Variants in SNX13 observed in about 807,000 individuals in gnomAD.
SNX13 encodes the protein sorting nexin 13, also known as sorting nexin-13.
In SNX13, 45 loss-of-function variants were observed where a neutral mutation model predicts 133.6. The ratio of observed to expected loss-of-function variants is 0.34; its 90% CI spans 0.27 to 0.43. SNX13 has a LOEUF of 0.43. Among genes scored for constraint, SNX13 ranks in the 20% least tolerant of loss-of-function variants. SNX13 has a pLI of 1.00. For synonymous variants in SNX13, 414 were observed against 373.9 expected (o/e 1.11, Z -1.24); for missense variants, 1,032 against 1,145.1 (o/e 0.90, Z 1.43).
intron 3 of SNX13, among the ~76,000 whole-genome samples, chr7:17,892,042 G>A (rs181168420): frequency 3.9e-5 from 6 of 151,934 alleles, no homozygotes; most frequent in East Asian, 1.9e-4. Context: ...ATTTTTAAAC[G>A]GATTTTATGT....
rs1019460441 is a variant in SNX13, at chr7:17,792,073, G to A, written c.*1972C>T. On this transcript the variant is annotated 3_prime_UTR_variant, in exon 26 of 26. Transcript: ENST00000428135. ...AGTGCTCCTCACATTATATAGAAAT[G>A]CTTTTTCACATGTACACGTTAGGGT... 6.6e-6 allele frequency: 1 copy of A among 151,960 alleles called. No individual in the cohort carries two copies. The highest frequency in any genetic ancestry group is 2.4e-5 in the African/African-American group (1 of 41,364). 9.4% of individuals were successfully genotyped at this position (151,960 alleles called of 1,614,324 possible).
At chr7:17,868,620 A>ATT (rs10645391) in intron 8 of SNX13, 130 bp from the exon 9 acceptor site, 15,046 of 633,080 alleles carry the variant, frequency 0.024, 254 homozygotes, top group Non-Finnish European at 0.028. Flanking sequence ...CTTGATAAGC[A>ATT]ACACAGTCTT....
chr7:17,940,206 C>T (rs1416357875), intron 1 of SNX13, 78 bp downstream of exon 1: 57 of 1,540,194 alleles, frequency 3.7e-5, no homozygotes, highest in Non-Finnish European at 4.9e-5. Context: ...ACCTTCCGTA[C>T]AGATGATGTT....
At chr7:17,841,694 T>TATCTACTAGATGGC (rs1200004327) in intron 12 of SNX13, among the ~76,000 whole-genome samples, 5 of 151,568 alleles carry the variant, frequency 3.3e-5, no homozygotes, top group African/African-American at 1.2e-4. Context: ...CCTGATGGAA[T>TATCTACTAGATGGC]ATCTACTAGA....
chr7:17,831,989 G>A (rs1275792540), intron 15 of SNX13: 3 of 983,528 alleles, frequency 3.1e-6, no homozygotes, highest in Non-Finnish European at 3.6e-6. Flanking sequence ...TCAAAAAAGG[G>A]ATAGGTAATT....
At chr7:17,867,387 G>A (rs548706365) in intron 9 of SNX13, among the ~76,000 whole-genome samples, 255 of 152,184 alleles carry the variant, frequency 1.7e-3, no homozygotes, top group African/African-American at 5.8e-3. Context: ...CAGGCAGATC[G>A]CTTGAGCTCA....
chr7:17,850,385 C>A lies in SNX13; in HGVS notation c.1027G>T (p.Val343Leu). The change falls in exon 11 of 26, where the codon GTA becomes TTA. Residue 343 changes from valine to leucine, a missense_variant. Physicochemically the swap from Val to Leu is conservative, Grantham distance 32. Coordinates refer to ENST00000428135, the MANE Select transcript of SNX13 (RefSeq NM_015132.5). ...AATCGCTGTATTCTTGAGTCACATA[C>A]CTTCTTTACGAATAGTAAGCTATTT... is the stretch of plus-strand genomic sequence containing the variant. ...QINSLLFVKK[V>L]CDSRIQRLQS... is the part of the protein sequence containing the mutation. The A allele has an allele frequency of 1.3e-6, 2 of 1,596,234 alleles. No homozygotes were observed. Among genetic ancestry groups the A allele is most frequent in the South Asian group, 1.1e-5 (1 of 87,178 alleles).
chr7:17,875,339 A>C, intron 7 of SNX13, 141 bp downstream of exon 7: 1 of 625,056 alleles, frequency 1.6e-6, no homozygotes, highest in Non-Finnish European at 2.7e-6. Context: ...TAAGAGTTAC[A>C]AAATAAAATA....
At chr7:17,925,365 T>C (rs796842468) in intron 1 of SNX13, among the ~76,000 whole-genome samples, 1 of 152,172 alleles carries the variant, frequency 6.6e-6, no homozygotes, top group Non-Finnish European at 1.5e-5. Flanking sequence ...TCTGTGAATA[T>C]AGCAAAAGCC....
chr7:17,807,837 G>GCCCTCCA (rs1182839767), intron 20 of SNX13, among the ~76,000 whole-genome samples: 1 of 68,034 alleles, frequency 1.5e-5, no homozygotes, highest in Non-Finnish European at 2.5e-5. Flanking sequence ...GTCTGGAGTG[G>GCCCTCCA]GCCTCCAGCA....
At chr7:17,891,844 A>T (rs1796663845) in intron 3 of SNX13, among the ~76,000 whole-genome samples, 1 of 152,122 alleles carries the variant, frequency 6.6e-6, no homozygotes, top group Non-Finnish European at 1.5e-5. Context: ...TCAAAAATTT[A>T]ATCAGCAAAA....
intron 12 of SNX13, among the ~76,000 whole-genome samples, chr7:17,844,115 A>T (rs997691293): frequency 6.6e-6 from 1 of 151,976 alleles, no homozygotes; most frequent in African/African-American, 2.4e-5. Flanking sequence ...AAACAATAGT[A>T]AAAGTCAATG....
chr7:17,939,274 A>G (rs890777165), intron 1 of SNX13, among the ~76,000 whole-genome samples: 24 of 152,144 alleles, frequency 1.6e-4, no homozygotes, highest in African/African-American at 5.8e-4. Context: ...ACTGTTTCCT[A>G]TTCAGTTCAG....
intron 12 of SNX13, among the ~76,000 whole-genome samples, chr7:17,842,790 T>C (rs1467980671): frequency 1.3e-5 from 2 of 152,032 alleles, no homozygotes; most frequent in Admixed American, 1.3e-4. Flanking sequence ...TGTGACGTCA[T>C]CAAAAGAGGG....
At chr7:17,918,960 G>GGCCA (rs1334212367) in intron 1 of SNX13, among the ~76,000 whole-genome samples, 1 of 152,184 alleles carries the variant, frequency 6.6e-6, no homozygotes, top group Non-Finnish European at 1.5e-5. Context: ...TGCAGGTGGA[G>GGCCA]GCCATTGTCC....
intron 1 of SNX13, among the ~76,000 whole-genome samples, chr7:17,914,029 G>A (rs1799288086): frequency 6.6e-6 from 1 of 151,942 alleles, no homozygotes; most frequent in Non-Finnish European, 1.5e-5. Flanking sequence ...TTCAAAAGAT[G>A]ACATAGCTGT....
Position 17,834,854 on chromosome 7 carries a change from T to C in SNX13, c.1371A>G (p.Arg457=). 6.2e-7 allele frequency: 1 copy of C among 1,601,590 alleles called. No individual in the cohort carries two copies. Among genetic ancestry groups the C allele is most frequent in the South Asian group, 1.1e-5 (1 of 90,252 alleles). ...CTACTAAATAGTCATCAACAGTAAC[T>C]CTTGGAGATGCCTAACAGAGAAAAA... ...EQYLSEKASP[R]VTVDDYLVAK... is the part of the protein sequence containing the mutation. The change falls in exon 14 of 26, where the codon AGA becomes AGG. Residue 457 remains arginine (R), a synonymous_variant. Coordinates refer to ENST00000428135, the MANE Select transcript of SNX13 (RefSeq NM_015132.5).
intron 1 of SNX13, among the ~76,000 whole-genome samples, chr7:17,918,761 C>G (rs990894340): frequency 1.3e-5 from 2 of 152,056 alleles, no homozygotes; most frequent in Non-Finnish European, 2.9e-5. Flanking sequence ...GGTATTTACC[C>G]AAAAGAAAAT....
intron 9 of SNX13, among the ~76,000 whole-genome samples, chr7:17,853,415 G>C (rs1791483084): frequency 6.6e-6 from 1 of 152,100 alleles, no homozygotes; most frequent in African/African-American, 2.4e-5. Flanking sequence ...CCAAATAACT[G>C]AATACTGTAA....
Sources: allele counts gnomAD v4.1 joint callset (sites outside exome capture counted in the v4.1 genomes callset), GRCh38; gene constraint gnomAD v4.1.1; transcripts MANE v1.5; gene names NCBI Gene and HGNC (gene_info 2026-07-23, HGNC 2026-07-21).